TTF2: variants seen among roughly 807,000 people sequenced by gnomAD.
TTF2 encodes the protein transcription termination factor 2.
A neutral mutation model predicts 142.4 loss-of-function variants in TTF2; 108 were observed. That is an observed-to-expected ratio of 0.76 (90% confidence interval 0.65 to 0.89). TTF2 has a LOEUF of 0.89. Among genes scored for constraint, TTF2 ranks in the 40% least tolerant of loss-of-function variants. TTF2 has a pLI of 0.00. For synonymous variants in TTF2, 483 were observed against 506.2 expected, an observed-to-expected ratio of 0.95 and a Z score of 0.61; for missense variants, 1,327 against 1,379.8, an observed-to-expected ratio of 0.96 and a Z score of 0.61.
intron 11 of TTF2, among the ~76,000 whole-genome samples, chr1:117,084,675 G>A (rs1647853272): frequency 6.6e-6 from 1 of 152,168 alleles, no homozygotes; most frequent in African/African-American, 2.4e-5. Context: ...CTTGAAGAGG[G>A]ATGCTCAGGA....
Position 117,085,524 on chromosome 1 carries a change from G to T in TTF2, c.2055-893G>T, listed in dbSNP as rs1479325926. On this transcript the variant is annotated intron_variant, in intron 11 of 22. Coordinates refer to ENST00000369466, the MANE Select transcript of TTF2 (RefSeq NM_003594.4). This position sits in a 1 kb window ranked among gnomAD's most constrained non-coding sequence, Gnocchi z 4.7. ...GCCAAGATCACACCCCTACACTCCAGTCTGGATGACCAGGGTAGGTTACTC... is the reference window on the plus strand; with the variant it reads ...GCCAAGATCACACCCCTACACTCCATTCTGGATGACCAGGGTAGGTTACTC... 1.3e-5 allele frequency among the ~76,000 whole-genome samples: 2 copies of T among 152,180 alleles called. No homozygotes were observed. Among genetic ancestry groups the T allele is most frequent in the Non-Finnish European group, 2.9e-5 (2 of 68,026 alleles).
chr1:117,082,708 T>G lies in TTF2; in HGVS notation c.1903+761T>G, dbSNP rs576193425. On this transcript the variant is annotated intron_variant, in intron 10 of 22. Transcript: ENST00000369466. ...ACATATGTTTTTAAAATGTAGTAAC[T>G]TTAGCCAGGCACAGTGGTATGCACC... is the stretch of plus-strand genomic sequence containing the variant. 3.9e-5 allele frequency among the ~76,000 whole-genome samples: 6 copies of G among 152,230 alleles called. 1 individual carries two copies. In the South Asian group the frequency reaches 1.2e-3, roughly 32 times the overall value.
intron 10 of TTF2, among the ~76,000 whole-genome samples, chr1:117,082,617 G>A (rs1647623049): frequency 6.6e-6 from 1 of 152,132 alleles, no homozygotes; most frequent in African/African-American, 2.4e-5. Flanking sequence ...AGTCACTATA[G>A]TGGAAGCTAT....
rs1649745712 is a variant in TTF2, at chr1:117,103,601, T to C, written c.*2077T>C. On this transcript the variant is annotated 3_prime_UTR_variant, in exon 23 of 23. Transcript: ENST00000369466. ...GACAATGGCCTGGTGGGAAGAATTC[T>C]AGTCTAGAACGTTTGAGATTTGACT... 6.6e-6 allele frequency: 1 copy of C among 152,214 alleles called. No homozygotes were observed. Among genetic ancestry groups the C allele is most frequent in the African/African-American group, 2.4e-5 (1 of 41,456 alleles). The allele number at this position is 152,214 out of a possible 1,614,324, so 9.4% of individuals were successfully genotyped here.
chr1:117,079,499 G>T lies in TTF2; in HGVS notation c.1702-69G>T. On this transcript the variant is annotated intron_variant, in intron 8 of 22. Coordinates refer to ENST00000369466, the MANE Select transcript of TTF2 (RefSeq NM_003594.4). The surrounding 1 kb of genome is among the most constrained non-coding windows in gnomAD (Gnocchi z 4.2). ...TAGAAAATAGGAGAGTGTAGAGTTC[G>T]TGTAGCCAGGCTCGGCATAGCCTCT... is the stretch of plus-strand genomic sequence containing the variant. 1.5e-5 allele frequency: 21 copies of T among 1,440,318 alleles called. No homozygotes were observed. The highest frequency in any genetic ancestry group is 2.1e-5 in the Non-Finnish European group (21 of 1,022,422). 89.2% of individuals were successfully genotyped at this position (1,440,318 alleles called of 1,614,324 possible).
At chr1:117,068,485 C>T (rs780119160) in intron 3 of TTF2, among the ~76,000 whole-genome samples, 38 of 150,548 alleles carry the variant, frequency 2.5e-4, no homozygotes, top group Admixed American at 1.1e-3. Flanking sequence ...ATGGCACATG[C>T]ATACATGTGT....
chr1:117,083,768 A>G (rs1326777764), intron 10 of TTF2, among the ~76,000 whole-genome samples: 1 of 152,182 alleles, frequency 6.6e-6, no homozygotes, highest in Admixed American at 6.5e-5. Flanking sequence ...AGCAATGGTT[A>G]AACATATTAA....
In TTF2 at chr1:117,100,582, T is replaced by A. The variant is rs949712940; in HGVS notation, c.3345-798T>A. Among the ~76,000 whole-genome samples the A allele has an allele frequency of 6.6e-6, 1 of 152,212 alleles. No homozygotes were observed. Among genetic ancestry groups the A allele is most frequent in the African/African-American group, 2.4e-5 (1 of 41,456 alleles). ...GCTTTTGCCATTGTGGACAACATGG[T>A]CAATGTGAACTTCCTCCAATACACC... is the stretch of plus-strand genomic sequence containing the variant. On this transcript the variant is annotated intron_variant, in intron 22 of 22. Coordinates refer to ENST00000369466, the MANE Select transcript of TTF2 (RefSeq NM_003594.4). This position sits in a 1 kb window ranked among gnomAD's most constrained non-coding sequence, Gnocchi z 4.6.
At chr1:117,089,049 C>T (rs1197860490) in intron 13 of TTF2, 67 bp downstream of exon 13, 1 of 1,499,814 alleles carries the variant, frequency 6.7e-7, no homozygotes, top group East Asian at 2.4e-5. Context: ...TATTTCATGT[C>T]TCATAATAAA....
chr1:117,061,509 A>C (rs1391459816), intron 2 of TTF2, among the ~76,000 whole-genome samples: 1 of 152,228 alleles, frequency 6.6e-6, no homozygotes, highest in African/African-American at 2.4e-5. Flanking sequence ...AGAGTACATA[A>C]TGGATATCAG....
intron 3 of TTF2, among the ~76,000 whole-genome samples, chr1:117,069,891 T>C (rs977898657): frequency 6.6e-6 from 1 of 152,228 alleles, no homozygotes; most frequent in African/African-American, 2.4e-5. Flanking sequence ...TTCATCGTTA[T>C]TGCCTATAAC....
At position 117,092,984 on chromosome 1, in the gene TTF2, GTGGGAACAGCCAT is replaced by G. The variant is rs1206364024; in HGVS notation, c.2976+85_2976+97del. 6.6e-7 allele frequency: 1 copy of G among 1,515,014 alleles called. No individual in the cohort carries two copies. Among genetic ancestry groups the G allele is most frequent in the Non-Finnish European group, 9.0e-7 (1 of 1,107,802 alleles). The allele number at this position is 1,515,014 out of a possible 1,614,324, so 93.8% of individuals were successfully genotyped here. ...GTGTGACAGCACTTCATTTGTCCAAGTGGGAACAGCCATTTGCCAGCAGAGCTAGAGCCGTTAA... is the reference window on the plus strand; with the variant it reads ...GTGTGACAGCACTTCATTTGTCCAAGTTGCCAGCAGAGCTAGAGCCGTTAA... On this transcript the variant is annotated intron_variant, in intron 18 of 22. Coordinates refer to ENST00000369466, the MANE Select transcript of TTF2 (RefSeq NM_003594.4). This position sits in a 1 kb window ranked among gnomAD's most constrained non-coding sequence, Gnocchi z 4.4.
rs1655848045 is a variant in TTF2 at position 117,063,527 on chromosome 1, C to CT, written c.218+1056dup. Among the ~76,000 whole-genome samples, 1 of 152,160 alleles carries CT rather than the reference C, an allele frequency of 6.6e-6. No individual in the cohort carries two copies. The highest frequency in any genetic ancestry group is 2.1e-4 in the South Asian group (1 of 4,834). On this transcript the variant is annotated intron_variant, in intron 3 of 22. Coordinates refer to ENST00000369466, the MANE Select transcript of TTF2 (RefSeq NM_003594.4). This position sits in a 1 kb window ranked among gnomAD's most constrained non-coding sequence, Gnocchi z 4.1. ...ACTCTTCTGTGTCTGACTTCTTTTA[C>CT]TTAACAGTATGTGAAATGTATATAA...
rs768844971 is a variant in TTF2 at position 117,084,033 on chromosome 1, C to G, written c.1919C>G (p.Thr640Ser). The change falls in exon 11 of 23, where the codon ACT becomes AGT. Residue 640 changes from threonine to serine, a missense_variant. Coordinates refer to ENST00000369466, the MANE Select transcript of TTF2 (RefSeq NM_003594.4). ...CCTTCTCAAGACTCTTGTGACTTTA[C>G]TTCCCATGGAACACTAATCATCTGT... Reference protein sequence around the residue: ...WLSKDDSCDFTSHGTLIICPA... With the variant: ...WLSKDDSCDFSSHGTLIICPA... 1 of 1,614,184 alleles carries G rather than the reference C, an allele frequency of 6.2e-7. No homozygotes were observed. The highest frequency in any genetic ancestry group is 8.5e-7 in the Non-Finnish European group (1 of 1,180,028).
chr1:117,069,738 C>G (rs77280724), intron 3 of TTF2, among the ~76,000 whole-genome samples: 29 of 152,250 alleles, frequency 1.9e-4, no homozygotes, highest in African/African-American at 7.0e-4. Flanking sequence ...AGTTCTGGAG[C>G]CTGAGAGAAC....
At chr1:117,083,893 C>CTTGAGCCTAGGAGT in intron 10 of TTF2, 125 bp from the exon 11 acceptor site, 1 of 1,161,568 alleles carries the variant, frequency 8.6e-7, no homozygotes, top group South Asian at 1.5e-5. Context: ...AGGAGGATCA[C>CTTGAGCCTAGGAGT]TTGAGCCTAG....
Position 117,073,533 on chromosome 1 carries a change from G to C in TTF2, c.219-128G>C. On this transcript the variant is annotated intron_variant, in intron 3 of 22. Transcript: ENST00000369466. The surrounding 1 kb of genome is among the most constrained non-coding windows in gnomAD (Gnocchi z 4.4). The stretch of plus-strand genomic sequence containing the variant: ...TTTAAATGTGTATATAAAAGTAATT[G>C]GTTTCAAGTGACCTCCCAAAGCCAG... 2.8e-6 allele frequency: 2 copies of C among 719,020 alleles called. No homozygotes were observed. The highest frequency in any genetic ancestry group is 4.5e-6 in the Non-Finnish European group (2 of 448,494). The allele number at this position is 719,020 out of a possible 1,614,324, so 44.5% of individuals were successfully genotyped here.
rs1031236278 is a variant in TTF2, at chr1:117,093,378, G to T, written c.2976+477G>T. On this transcript the variant is annotated intron_variant, in intron 18 of 22. Transcript: ENST00000369466. The surrounding 1 kb of genome is among the most constrained non-coding windows in gnomAD (Gnocchi z 4.5). ...TCATTAGTCATTCTGCTCTGTTTTC[G>T]TCAGAGCTTTTTAAGGCAGAAACAT... Among the ~76,000 whole-genome samples the T allele has an allele frequency of 6.6e-6, 1 of 152,186 alleles. No homozygotes were observed. The highest frequency in any genetic ancestry group is 2.4e-5 in the African/African-American group (1 of 41,524).
intron 13 of TTF2, among the ~76,000 whole-genome samples, chr1:117,089,260 C>CTATATATATATATATATATA (rs10524337): frequency 0.01 from 1,375 of 137,292 alleles, 30 homozygotes; most frequent in Middle Eastern, 0.02. Context: ...CAAATATATG[C>CTATATATATATATATATATA]TATATATATA....
Sources: gnomAD v4.1 joint callset for allele counts (sites outside exome capture counted in the v4.1 genomes callset) on GRCh38, gnomAD v4.1.1 for gene constraint, Gnocchi (gnomAD v3.1) non-coding constraint, MANE v1.5 for transcripts, NCBI Gene and HGNC (gene_info 2026-07-23, HGNC 2026-07-21) for gene names.